ZNF536: variants seen among roughly 807,000 people sequenced by gnomAD.
ZNF536 encodes zinc finger protein 536.
A neutral mutation model predicts 84.5 loss-of-function variants in ZNF536; 13 were observed. The observed-to-expected ratio is 0.15, with a 90% CI of 0.10 to 0.24. The LOEUF (loss-of-function observed/expected upper bound fraction) is 0.24, where lower values mean the gene tolerates loss of function less well. Ranked by LOEUF, ZNF536 falls within the 10% of genes least tolerant of loss-of-function variation. ZNF536 has a pLI of 1.00. For missense variants in ZNF536, 1,536 were observed against 1,747.5 expected, an observed-to-expected ratio of 0.88 and a Z score of 2.16; for synonymous variants, 811 against 742.5, an observed-to-expected ratio of 1.09 and a Z score of -1.50.
At chr19:30,246,628 C>T (rs867969690) in intron 1 of ZNF536, among the ~76,000 whole-genome samples, 1 of 152,104 alleles carries the variant, frequency 6.6e-6, no homozygotes, top group Admixed American at 6.6e-5. Context: ...GTTTGGGATG[C>T]GTGAGGAAAG....
At position 30,444,517 on chromosome 19, in the gene ZNF536, G is replaced by T. The variant is rs142265762; in HGVS notation, c.955G>T (p.Val319Leu). The change falls in exon 2 of 5, where the codon GTG becomes TTG. Residue 319 changes from valine (V) to leucine (L), a missense_variant. Physicochemically the swap from Val to Leu is conservative, Grantham distance 32. This residue lies in a region of ZNF536 where 61 missense variants were observed against 104.0 expected (regional missense o/e 0.59). Coordinates refer to ENST00000355537, the MANE Select transcript of ZNF536 (RefSeq NM_014717.3). ...ASQEEELISH[V>L]EKAHITAESA... ...GCAGGAGGAGGAGCTCATCAGCCACGTGGAGAAGGCACACATCACGGCCGA... is the reference window on the plus strand; with the variant it reads ...GCAGGAGGAGGAGCTCATCAGCCACTTGGAGAAGGCACACATCACGGCCGA... 1 of 1,612,504 alleles carries T rather than the reference G, an allele frequency of 6.2e-7. No homozygotes were observed. The highest frequency in any genetic ancestry group is 1.1e-5 in the South Asian group (1 of 91,048).
intron 2 of ZNF536, among the ~76,000 whole-genome samples, chr19:30,301,496 C>T (rs1189623600): frequency 6.6e-6 from 1 of 152,138 alleles, no homozygotes; most frequent in Non-Finnish European, 1.5e-5. Context: ...CATGACTGCA[C>T]ATTCCGTGTT....
intron 2 of ZNF536, among the ~76,000 whole-genome samples, chr19:30,315,053 T>G (rs1282599813): frequency 1.3e-5 from 2 of 152,252 alleles, no homozygotes; most frequent in Admixed American, 1.3e-4. Flanking sequence ...TTGGCACTTC[T>G]GCTTATTCTT....
At chr19:30,569,022 G>A (rs2046446482) in intron 1 of ZNF536, among the ~76,000 whole-genome samples, 1 of 152,158 alleles carries the variant, frequency 6.6e-6, no homozygotes, top group African/African-American at 2.4e-5. Context: ...GCTGGTAGCT[G>A]CATAAGGAAG....
At chr19:30,348,809 C>A (rs970056584) in intron 2 of ZNF536, among the ~76,000 whole-genome samples, 1 of 106,580 alleles carries the variant, frequency 9.4e-6, no homozygotes, top group South Asian at 3.3e-4. Flanking sequence ...CTTTTTTTTT[C>A]TTTTCTTTTT....
intron 1 of ZNF536, among the ~76,000 whole-genome samples, chr19:30,269,642 T>G (rs1023756548): frequency 6.6e-6 from 1 of 152,168 alleles, no homozygotes; most frequent in Non-Finnish European, 1.5e-5. Flanking sequence ...GGAAACACAT[T>G]GGTGTTCAGG....
At chr19:30,631,412 C>T (rs1024020232) in intron 1 of ZNF536, among the ~76,000 whole-genome samples, 12 of 152,324 alleles carry the variant, frequency 7.9e-5, no homozygotes, top group Non-Finnish European at 1.3e-4. Flanking sequence ...TCTCCAGACC[C>T]GGCTGTCCCC....
intron 1 of ZNF536, among the ~76,000 whole-genome samples, chr19:30,570,298 G>T (rs1020057771): frequency 6.6e-6 from 1 of 152,150 alleles, no homozygotes; most frequent in Non-Finnish European, 1.5e-5. Flanking sequence ...GAAAAACTTT[G>T]TAAGAAGCCG....
chr19:30,491,163 G>T (rs2054494692), intron 2 of ZNF536, among the ~76,000 whole-genome samples: 1 of 152,186 alleles, frequency 6.6e-6, no homozygotes, highest in African/African-American at 2.4e-5. Flanking sequence ...GACTCAAGGA[G>T]CAGGGTGTTT....
intron 1 of ZNF536, among the ~76,000 whole-genome samples, chr19:30,383,652 TTCTC>T (rs149382377): frequency 0.79 from 94,945 of 120,016 alleles, 37,248 homozygotes; most frequent in Middle Eastern, 0.85. Context: ...CTTCCTTTCT[TTCTC>T]TCTTTCTCTT....
chr19:30,618,201 C>T (rs895837173), intron 1 of ZNF536, among the ~76,000 whole-genome samples: 7 of 152,282 alleles, frequency 4.6e-5, no homozygotes, highest in African/African-American at 1.7e-4. Context: ...TAATGCCCCA[C>T]TTAGGTAATT....
At chr19:30,473,590 T>G (rs1180290643) in intron 2 of ZNF536, among the ~76,000 whole-genome samples, 1 of 152,234 alleles carries the variant, frequency 6.6e-6, no homozygotes, top group Non-Finnish European at 1.5e-5. Context: ...TTGGACAGGC[T>G]GGCACCCATC....
At chr19:30,452,683 T>G (rs1445113902) in intron 2 of ZNF536, among the ~76,000 whole-genome samples, 1 of 152,122 alleles carries the variant, frequency 6.6e-6, no homozygotes, top group African/African-American at 2.4e-5. Flanking sequence ...TAGAGCTGTT[T>G]TGGAGCATTG....
intron 2 of ZNF536, among the ~76,000 whole-genome samples, chr19:30,456,762 C>G (rs572020535): frequency 6.6e-6 from 1 of 152,220 alleles, no homozygotes; most frequent in South Asian, 2.1e-4. Context: ...TGAGTAGAGG[C>G]CGGGCACGGT....
At chr19:30,288,489 G>A (rs2045725249) in intron 2 of ZNF536, among the ~76,000 whole-genome samples, 1 of 152,186 alleles carries the variant, frequency 6.6e-6, no homozygotes, top group South Asian at 2.1e-4. Context: ...GATAAGAGTG[G>A]TCCAAGTTAC....
intron 2 of ZNF536, among the ~76,000 whole-genome samples, chr19:30,287,645 G>C (rs1172088482): frequency 7.1e-6 from 1 of 140,538 alleles, no homozygotes; most frequent in Non-Finnish European, 1.6e-5. Flanking sequence ...TGGGTGGATG[G>C]ATGGGTGGGT....
At chr19:30,568,648 G>T (rs534299479) in intron 1 of ZNF536, among the ~76,000 whole-genome samples, 1 of 152,302 alleles carries the variant, frequency 6.6e-6, no homozygotes, top group South Asian at 2.1e-4. Context: ...TACAGGGCAG[G>T]TCCAATCTGC....
chr19:30,521,192 G>A (rs2866974), intron 2 of ZNF536, among the ~76,000 whole-genome samples: 19,882 of 152,272 alleles, frequency 0.13, 1,687 homozygotes, highest in Middle Eastern at 0.35. Flanking sequence ...GTTTTGAGGT[G>A]CTCGAATGCC....
chr19:30,455,936 G>C (rs767941466), intron 2 of ZNF536, among the ~76,000 whole-genome samples: 3 of 152,092 alleles, frequency 2.0e-5, no homozygotes, highest in South Asian at 2.1e-4. Flanking sequence ...ATTTTTTCTT[G>C]TCATTGAACA....
Sources: allele counts gnomAD v4.1 joint callset (sites outside exome capture counted in the v4.1 genomes callset), GRCh38; gene constraint gnomAD v4.1.1; regional missense constraint gnomAD v4.1.1; transcripts MANE v1.5; gene names NCBI Gene and HGNC (gene_info 2026-07-23, HGNC 2026-07-21).